The following MX1 variants were observed in gnomAD, a reference collection of about 807,000 sequenced individuals.
The protein encoded by MX1 is interferon-induced GTP-binding protein Mx1.
MX1 carries 66 observed loss-of-function variants against 66.4 expected under a neutral mutation model. That is an observed-to-expected ratio of 0.99 (90% CI 0.82 to 1.22). The LOEUF (loss-of-function observed/expected upper bound fraction) is 1.22. Ranked by LOEUF, MX1 falls within the 50% of genes most tolerant of loss-of-function variation. The probability of loss-of-function intolerance (pLI) is 0.00; values close to 1 mark genes in which losing one functional copy is unlikely to be tolerated. For synonymous variants in MX1, 311 were observed against 318.1 expected (o/e 0.98, Z 0.24); for missense variants, 787 against 834.3 (o/e 0.94, Z 0.70).
intron 5 of MX1, 90 bp from the exon 6 acceptor site, chr21:41,435,747 A>T (rs2090339321): frequency 7.2e-7 from 1 of 1,384,786 alleles, no homozygotes; most frequent in Non-Finnish European, 1.0e-6. Flanking sequence ...TTACAATTCG[A>T]GATGAGATTT....
At chr21:41,427,717 C>T (rs1448041196) in intron 2 of MX1, 38 bp from the exon 3 acceptor site, 1 of 151,860 alleles carries the variant, frequency 6.6e-6, no homozygotes, top group Non-Finnish European at 1.5e-5. Flanking sequence ...GAGAGAACCC[C>T]CTGACAACCC....
intron 10 of MX1, among the ~76,000 whole-genome samples, chr21:41,443,262 G>A (rs2090569019): frequency 1.3e-5 from 2 of 152,188 alleles, no homozygotes; most frequent in Admixed American, 6.5e-5. Flanking sequence ...AACTCACTCT[G>A]TGAGCACAAA....
chr21:41,436,545 G>A (rs1424443563), intron 6 of MX1, among the ~76,000 whole-genome samples: 1 of 152,216 alleles, frequency 6.6e-6, no homozygotes, highest in African/African-American at 2.4e-5. Flanking sequence ...TCAGGCCTGG[G>A]ACGGGTCTTG....
rs762758550 is a variant in MX1, at chr21:41,452,816, G to A, written c.1705G>A (p.Ala569Thr). Reference sequence around the variant, plus strand: ...TTTTGGGGCTTTCCAGTCCAGCTCGGCAACAGACTCTTCCATGGAGGAGAT... The same window carrying A: ...TTTTGGGGCTTTCCAGTCCAGCTCGACAACAGACTCTTCCATGGAGGAGAT... Reference protein sequence around the residue: ...WDFGAFQSSSATDSSMEEIFQ... With the variant: ...WDFGAFQSSSTTDSSMEEIFQ... The change falls in exon 16 of 17, where the codon GCA becomes ACA. Residue 569 changes from alanine (A) to threonine (T), a missense_variant. Coordinates refer to ENST00000398598, the MANE Select transcript of MX1 (RefSeq NM_002462.5). The A allele has an allele frequency of 5.1e-5, 83 of 1,614,034 alleles. 2 individuals are homozygous for A. In the South Asian group the frequency reaches 7.9e-4, roughly 15 times the overall value.
At chr21:41,433,328 G>A (rs2090274213) in intron 5 of MX1, among the ~76,000 whole-genome samples, 1 of 152,218 alleles carries the variant, frequency 6.6e-6, no homozygotes, top group South Asian at 2.1e-4. Flanking sequence ...TGAGGACCAT[G>A]TGTAAACCCT....
At chr21:41,438,636 A>C (rs995140762) in intron 7 of MX1, among the ~76,000 whole-genome samples, 3 of 152,206 alleles carry the variant, frequency 2.0e-5, no homozygotes, top group Admixed American at 6.5e-5. Context: ...GCCCAATTTC[A>C]AGGGACCGAT....
chr21:41,454,502 G>T (rs2090913160), intron 16 of MX1, among the ~76,000 whole-genome samples: 1 of 152,186 alleles, frequency 6.6e-6, no homozygotes, highest in Non-Finnish European at 1.5e-5. Flanking sequence ...CCAAGAGGGG[G>T]TCTGTTGAGT....
intron 16 of MX1, among the ~76,000 whole-genome samples, chr21:41,454,552 A>G (rs544864263): frequency 1.3e-5 from 2 of 152,304 alleles, no homozygotes; most frequent in East Asian, 1.9e-4. Context: ...GTTTACAACA[A>G]TTTCCTTAGT....
chr21:41,431,478 T>C (rs1347198960), intron 4 of MX1, among the ~76,000 whole-genome samples: 3 of 100,398 alleles, frequency 3.0e-5, no homozygotes, highest in Non-Finnish European at 5.4e-5. Context: ...AGAGGCATAT[T>C]CTATTTTTTT....
At position 41,445,688 on chromosome 21, in the gene MX1, C is replaced by T. The variant is rs142321263; in HGVS notation, c.1131+118C>T. 251 of 1,382,892 alleles carry T rather than the reference C, an allele frequency of 1.8e-4. 5 individuals are homozygous for T. The East Asian group carries it at 5.6e-3, about 31-fold the overall frequency. 85.7% of individuals were successfully genotyped at this position (1,382,892 alleles called of 1,614,324 possible). ...AAGGCTGATCCAAAGACATCTGGCCCGTAGCACTCAAAGGGTGGACAGGGC... is the reference window on the plus strand; with the variant it reads ...AAGGCTGATCCAAAGACATCTGGCCTGTAGCACTCAAAGGGTGGACAGGGC... On this transcript the variant is annotated intron_variant, in intron 12 of 16. Coordinates refer to ENST00000398598, the MANE Select transcript of MX1 (RefSeq NM_002462.5).
intron 14 of MX1, among the ~76,000 whole-genome samples, chr21:41,450,265 A>G (rs921650279): frequency 6.6e-6 from 1 of 152,040 alleles, no homozygotes; most frequent in Non-Finnish European, 1.5e-5. Context: ...ATAGGTAGGA[A>G]ACTAGATCCT....
At chr21:41,451,105 G>T in intron 14 of MX1, 62 bp from the exon 15 acceptor site, 9 of 1,100,656 alleles carry the variant, frequency 8.2e-6, no homozygotes, top group Admixed American at 1.9e-5. Context: ...ATATTTTTTT[G>T]CATCTTAAGA....
At chr21:41,445,698 A>G (rs2090641417) in intron 12 of MX1, 128 bp downstream of exon 12, 1 of 1,333,758 alleles carries the variant, frequency 7.5e-7, no homozygotes, top group African/African-American at 1.5e-5. Context: ...CGTAGCACTC[A>G]AAGGGTGGAC....
At chr21:41,430,954 T>C (rs2090193625) in intron 4 of MX1, among the ~76,000 whole-genome samples, 1 of 152,250 alleles carries the variant, frequency 6.6e-6, no homozygotes, top group Admixed American at 6.5e-5. Context: ...CAAATTACCG[T>C]AATATTTGGA....
At position 41,443,815 on chromosome 21, in the gene MX1, G is replaced by C; in HGVS notation, c.957G>C (p.Thr319=). 4 of 1,614,220 alleles carry C rather than the reference G, an allele frequency of 2.5e-6. No homozygotes were observed. Among genetic ancestry groups the C allele is most frequent in the South Asian group, 2.2e-5 (2 of 91,080 alleles). ...ATCTGCTGGAGGAAGGAAAGGCCAC[G>C]GTTCCCTGCCTGGCAGAAAAACTTA... ...FRDLLEEGKA[T]VPCLAEKLTS... Residue 319 remains threonine (T), a synonymous_variant, in exon 11 of 17, where the codon ACG becomes ACC. Transcript: ENST00000398598.
At chr21:41,451,357 C>A (rs539073049) in intron 15 of MX1, 114 bp downstream of exon 15, 8 of 739,016 alleles carry the variant, frequency 1.1e-5, no homozygotes, top group Non-Finnish European at 1.6e-5. Context: ...ACTTTTAGAA[C>A]AGCAAATAAC....
At chr21:41,458,452 T>C (rs2091006613) in intron 16 of MX1, 76 bp from the exon 17 acceptor site, 1 of 1,196,548 alleles carries the variant, frequency 8.4e-7, no homozygotes, top group Non-Finnish European at 1.1e-6. Context: ...GATCCCCTCA[T>C]GTGCACATGG....
rs1193844768 is a variant in MX1, at chr21:41,445,582, C to A, written c.1131+12C>A. ...TCTTCCTGATAGATGTGAGTGTTGCCAGCTGCATGGAGCTGGAGAAGCACA... is the reference window on the plus strand; with the variant it reads ...TCTTCCTGATAGATGTGAGTGTTGCAAGCTGCATGGAGCTGGAGAAGCACA... On this transcript the variant is annotated intron_variant, in intron 12 of 16. Transcript: ENST00000398598. 3 of 1,614,024 alleles carry A rather than the reference C, an allele frequency of 1.9e-6. No homozygotes were observed. The highest frequency in any genetic ancestry group is 2.5e-6 in the Non-Finnish European group (3 of 1,180,002).
intron 15 of MX1, among the ~76,000 whole-genome samples, chr21:41,451,598 C>T (rs2090828393): frequency 6.6e-6 from 1 of 152,140 alleles, no homozygotes; most frequent in Non-Finnish European, 1.5e-5. Flanking sequence ...CTTTGGGAGG[C>T]TGAGGCCGGT....
Sources: gnomAD v4.1 joint callset for allele counts (sites outside exome capture counted in the v4.1 genomes callset) on GRCh38, gnomAD v4.1.1 for gene constraint, MANE v1.5 for transcripts, NCBI Gene and HGNC (gene_info 2026-07-23, HGNC 2026-07-21) for gene names.